CACNB2: variants seen among roughly 807,000 people sequenced by gnomAD.
CACNB2 encodes calcium voltage-gated channel auxiliary subunit beta 2.
Under a neutral mutation model 73.3 loss-of-function variants are expected in CACNB2, and 42 were observed. The ratio of observed to expected loss-of-function variants is 0.57; its 90% CI spans 0.45 to 0.74. The LOEUF (loss-of-function observed/expected upper bound fraction) is 0.74, where lower values mean the gene tolerates loss of function less well. CACNB2 is among the 30% of genes least tolerant of loss of function. The probability of loss-of-function intolerance (pLI) is 0.00; values close to 1 mark genes in which losing one functional copy is unlikely to be tolerated. For missense variants in CACNB2, 940 were observed against 853.0 expected (o/e 1.10, Z -1.27); for synonymous variants, 348 against 310.3 (o/e 1.12, Z -1.28).
chr10:18,259,835 A>G (rs1280470228), intron 2 of CACNB2, among the ~76,000 whole-genome samples: 3 of 152,078 alleles, frequency 2.0e-5, no homozygotes, highest in African/African-American at 4.8e-5. Context: ...CAAGGCAATC[A>G]AGAGTTCAAG....
At chr10:18,456,998 A>G (rs2047314911) in intron 3 of CACNB2, among the ~76,000 whole-genome samples, 1 of 151,914 alleles carries the variant, frequency 6.6e-6, no homozygotes, top group African/African-American at 2.4e-5. Flanking sequence ...TCTGCCTTCT[A>G]CCACTGGGCA....
intron 2 of CACNB2, among the ~76,000 whole-genome samples, chr10:18,322,202 A>C (rs1311322152): frequency 6.6e-6 from 1 of 152,136 alleles, no homozygotes; most frequent in East Asian, 1.9e-4. Flanking sequence ...CCTCAAACAG[A>C]AATCTTAGAA....
chr10:18,264,465 C>T (rs1222647114), intron 2 of CACNB2, among the ~76,000 whole-genome samples: 1 of 152,198 alleles, frequency 6.6e-6, no homozygotes, highest in Non-Finnish European at 1.5e-5. Flanking sequence ...AACCAACACT[C>T]AAATCAAGAA....
rs1554791242 is a variant in CACNB2 at position 18,315,522 on chromosome 10, A to AAAC, written c.214-86400_214-86399insCAA. On this transcript the variant is annotated intron_variant, in intron 2 of 13. Transcript: ENST00000324631. ...TTTAAAAAAAAAAAAAAAAAAAAAA[A>AAAC]AAAAAACTTTTTTTTTTTTTAATTA... Among the ~76,000 whole-genome samples, 5 of 131,864 alleles carry AAAC rather than the reference A, an allele frequency of 3.8e-5. 1 individual carries two copies. Among genetic ancestry groups the AAAC allele is most frequent in the African/African-American group, 1.4e-4 (5 of 34,770 alleles). The allele number at this position is 131,864 out of a possible 152,430, so 86.5% of individuals were successfully genotyped here. A position where few individuals can be genotyped will look rare whatever the true frequency, so the allele number is the denominator to read the frequency against.
At chr10:18,423,988 T>A (rs1014886207) in intron 3 of CACNB2, among the ~76,000 whole-genome samples, 2 of 152,116 alleles carry the variant, frequency 1.3e-5, no homozygotes, top group Non-Finnish European at 2.9e-5. Context: ...CTTCTCAATT[T>A]TTTTTGAAAA....
intron 2 of CACNB2, among the ~76,000 whole-genome samples, chr10:18,231,903 A>G (rs545145465): frequency 6.6e-6 from 1 of 152,324 alleles, no homozygotes; most frequent in East Asian, 1.9e-4. Flanking sequence ...TTTCTTTTGT[A>G]CAACTCTTAG....
intron 3 of CACNB2, among the ~76,000 whole-genome samples, chr10:18,452,893 T>G (rs2047082266): frequency 6.6e-6 from 1 of 152,170 alleles, no homozygotes; most frequent in Non-Finnish European, 1.5e-5. Context: ...TATTAGAATA[T>G]CCCACGCTTG....
chr10:18,352,907 C>T (rs966895587), intron 2 of CACNB2, among the ~76,000 whole-genome samples: 1 of 152,272 alleles, frequency 6.6e-6, no homozygotes, highest in Non-Finnish European at 1.5e-5. Flanking sequence ...AAATGTATTA[C>T]ATCACCTCTA....
At chr10:18,499,354 A>C (rs1022458581) in intron 4 of CACNB2, among the ~76,000 whole-genome samples, 3 of 152,180 alleles carry the variant, frequency 2.0e-5, no homozygotes, top group East Asian at 3.9e-4. Context: ...CCGGTGGCTC[A>C]TGCCTGTAAT....
At chr10:18,207,351 A>G (rs1469308046) in intron 2 of CACNB2, among the ~76,000 whole-genome samples, 1 of 152,124 alleles carries the variant, frequency 6.6e-6, no homozygotes, top group African/African-American at 2.4e-5. Flanking sequence ...TAATTGTTCT[A>G]TTTTATTTTT....
chr10:18,159,273 C>T (rs1416232230), intron 2 of CACNB2, among the ~76,000 whole-genome samples: 1 of 152,208 alleles, frequency 6.6e-6, no homozygotes, highest in Non-Finnish European at 1.5e-5. Context: ...ATAGCCCGGA[C>T]TCGCGAACTG....
chr10:18,219,062 G>T (rs754399197), intron 2 of CACNB2, among the ~76,000 whole-genome samples: 1 of 152,162 alleles, frequency 6.6e-6, no homozygotes, highest in African/African-American at 2.4e-5. Flanking sequence ...CTGCTTCAGA[G>T]GCTGAAGTAG....
intron 2 of CACNB2, among the ~76,000 whole-genome samples, chr10:18,356,942 C>T (rs367791589): frequency 0.51 from 51,428 of 99,896 alleles, 13,089 homozygotes; most frequent in Non-Finnish European, 0.54. Context: ...GACTCAATTT[C>T]TTTTTTTTTT....
At chr10:18,495,132 C>A (rs184779430) in intron 3 of CACNB2, among the ~76,000 whole-genome samples, 1 of 151,720 alleles carries the variant, frequency 6.6e-6, no homozygotes, top group African/African-American at 2.4e-5. Flanking sequence ...TTTGTACAAA[C>A]ATTTTTCAAA....
At chr10:18,361,541 A>G (rs2042140242) in intron 2 of CACNB2, among the ~76,000 whole-genome samples, 1 of 151,254 alleles carries the variant, frequency 6.6e-6, no homozygotes, top group African/African-American at 2.4e-5. Flanking sequence ...TTCCAGTCAT[A>G]TAAGTCCAAT....
intron 2 of CACNB2, among the ~76,000 whole-genome samples, chr10:18,323,884 A>T (rs1386720406): frequency 1.3e-5 from 2 of 152,214 alleles, no homozygotes; most frequent in African/African-American, 2.4e-5. Flanking sequence ...CACTTCTTTG[A>T]ACACATTGAA....
At chr10:18,178,120 G>C (rs1039829037) in intron 2 of CACNB2, among the ~76,000 whole-genome samples, 2 of 152,106 alleles carry the variant, frequency 1.3e-5, no homozygotes, top group African/African-American at 4.8e-5. Context: ...TTTTCTTGGC[G>C]GTTGCTACTG....
At chr10:18,268,290 C>T (rs1042675404) in intron 2 of CACNB2, among the ~76,000 whole-genome samples, 4 of 152,224 alleles carry the variant, frequency 2.6e-5, no homozygotes, top group Non-Finnish European at 5.9e-5. Flanking sequence ...GGAATTGAAC[C>T]TTTCATCTCT....
chr10:18,406,016 A>T (rs188208883), intron 3 of CACNB2, among the ~76,000 whole-genome samples: 2 of 152,302 alleles, frequency 1.3e-5, no homozygotes. Flanking sequence ...AGCCGAATAG[A>T]ATAACCTTCA....
Sources: allele counts gnomAD v4.1 joint callset (sites outside exome capture counted in the v4.1 genomes callset), GRCh38; gene constraint gnomAD v4.1.1; transcripts MANE v1.5; gene names NCBI Gene and HGNC (gene_info 2026-07-23, HGNC 2026-07-21).